HSD17B6: variants seen among roughly 807,000 people sequenced by gnomAD.
HSD17B6 encodes the protein hydroxysteroid 17-beta dehydrogenase 6, also known as 17-beta-hydroxysteroid dehydrogenase type 6.
Under a neutral mutation model 26.4 loss-of-function variants are expected in HSD17B6, and 16 were observed. The observed-to-expected ratio is 0.61, with a 90% CI of 0.41 to 0.92. The LOEUF (loss-of-function observed/expected upper bound fraction) is 0.92, where lower values mean the gene tolerates loss of function less well. HSD17B6 is among the 40% of genes least tolerant of loss of function. The pLI is 0.00. For missense variants in HSD17B6, 357 were observed against 386.1 expected, an observed-to-expected ratio of 0.92 and a Z score of 0.63; for synonymous variants, 139 against 153.0, an observed-to-expected ratio of 0.91 and a Z score of 0.68.
intron 1 of HSD17B6, among the ~76,000 whole-genome samples, chr12:56,766,001 C>T (rs955697434): frequency 2.0e-5 from 3 of 152,170 alleles, no homozygotes; most frequent in African/African-American, 7.2e-5. Flanking sequence ...AAAATAGCCT[C>T]AACTGATGAC....
intron 1 of HSD17B6, among the ~76,000 whole-genome samples, chr12:56,765,163 G>A (rs1954294596): frequency 1.3e-5 from 2 of 152,022 alleles, no homozygotes; most frequent in Admixed American, 1.3e-4. Context: ...TAGGCTGGGT[G>A]CGGTGGCTCA....
At chr12:56,764,390 T>C (rs1565913863) in intron 1 of HSD17B6, among the ~76,000 whole-genome samples, 1 of 152,160 alleles carries the variant, frequency 6.6e-6, no homozygotes, top group African/African-American at 2.4e-5. Context: ...AGAAGGAAGT[T>C]AAGGTGCACG....
At chr12:56,776,497 G>A (rs1370471833) in intron 2 of HSD17B6, among the ~76,000 whole-genome samples, 2 of 151,560 alleles carry the variant, frequency 1.3e-5, no homozygotes, top group Non-Finnish European at 2.9e-5. Context: ...TTTTAGAGAC[G>A]TCATCTCACC....
At chr12:56,783,517 T>A (rs71462342) in intron 3 of HSD17B6, among the ~76,000 whole-genome samples, 1 of 103,776 alleles carries the variant, frequency 9.6e-6, no homozygotes, top group South Asian at 3.7e-4. Flanking sequence ...CCCTCCCGGA[T>A]GGGGCGGCCG....
intron 4 of HSD17B6, chr12:56,785,879 G>T (rs1413617322): frequency 2.3e-6 from 2 of 879,920 alleles, no homozygotes; most frequent in Non-Finnish European, 2.7e-6. Context: ...GCCATTCCCT[G>T]AGGCTATATT....
intron 2 of HSD17B6, among the ~76,000 whole-genome samples, chr12:56,780,084 GT>G (rs985740708): frequency 3.4e-4 from 52 of 152,088 alleles, no homozygotes; most frequent in Admixed American, 3.1e-3. Flanking sequence ...TAGCCTAATT[GT>G]TTTTCCTTTG....
At chr12:56,776,465 G>A (rs895058754) in intron 2 of HSD17B6, among the ~76,000 whole-genome samples, 52 of 151,550 alleles carry the variant, frequency 3.4e-4, no homozygotes, top group Middle Eastern at 3.4e-3. Flanking sequence ...CACCATGCCT[G>A]GCTAATTAAA....
At chr12:56,786,023 T>TAGAC in intron 4 of HSD17B6, 1 of 872,314 alleles carries the variant, frequency 1.1e-6, no homozygotes, top group Non-Finnish European at 1.4e-6. Flanking sequence ...AGGTACAGGG[T>TAGAC]TTCTTTTTGG....
rs187597048 is a variant in HSD17B6 at position 56,787,552 on chromosome 12, T to A, written c.*210T>A. On this transcript the variant is annotated 3_prime_UTR_variant, in exon 5 of 5. Coordinates refer to ENST00000322165, the MANE Select transcript of HSD17B6 (RefSeq NM_003725.4). ...TGATGAATCTTTACTATTTTAGCCC[T>A]TTTTTGATGAGACTATTTGTCTAAA... 1.5e-4 allele frequency: 82 copies of A among 543,736 alleles called. No individual in the cohort carries two copies. In the East Asian group the frequency reaches 2.4e-3, roughly 16 times the overall value. 33.7% of individuals were successfully genotyped at this position (543,736 alleles called of 1,614,324 possible).
At chr12:56,767,924 TACAC>T (rs201324794) in intron 1 of HSD17B6, among the ~76,000 whole-genome samples, 2 of 150,434 alleles carry the variant, frequency 1.3e-5, no homozygotes, top group African/African-American at 2.4e-5. Context: ...GTATACAATA[TACAC>T]ACACACACAT....
In HSD17B6 at chr12:56,784,843, T is replaced by C. The variant is rs1412906022; in HGVS notation, c.573-10T>C. ...GGTCTTTAATCATAACTTGTGGGGT[T>C]TTATTTCAGGCGTGAGATTCAACAT... On this transcript the variant is annotated splice_polypyrimidine_tract_variant and intron_variant, in intron 3 of 4. Transcript: ENST00000322165. 1 of 1,611,352 alleles carries C rather than the reference T, an allele frequency of 6.2e-7. No individual in the cohort carries two copies. The highest frequency in any genetic ancestry group is 8.5e-7 in the Non-Finnish European group (1 of 1,179,350).
rs79608809 is a variant in HSD17B6, at chr12:56,780,090, C to T, written c.314-1884C>T. On this transcript the variant is annotated intron_variant, in intron 2 of 4. Coordinates refer to ENST00000322165, the MANE Select transcript of HSD17B6 (RefSeq NM_003725.4). ...GTCAGTTGTTAGCCTAATTGTTTTT[C>T]CTTTGAAAATAATCTGTCTTTCCTT... Among the ~76,000 whole-genome samples, 451 of 152,148 alleles carry T rather than the reference C, an allele frequency of 3.0e-3. 2 individuals carry two copies. The highest frequency in any genetic ancestry group is 0.011 in the African/African-American group (443 of 41,504).
At chr12:56,780,087 T>C (rs1450333785) in intron 2 of HSD17B6, among the ~76,000 whole-genome samples, 1 of 152,200 alleles carries the variant, frequency 6.6e-6, no homozygotes, top group Non-Finnish European at 1.5e-5. Flanking sequence ...CCTAATTGTT[T>C]TTCCTTTGAA....
In HSD17B6 at chr12:56,780,527, T is replaced by G. The variant is rs902716823; in HGVS notation, c.314-1447T>G. Among the ~76,000 whole-genome samples the G allele has an allele frequency of 8.5e-5, 13 of 152,274 alleles. No homozygotes were observed. In the East Asian group the frequency reaches 2.3e-3, roughly 27 times the overall value. ...TTTCAACATTCCACAAGTTACTTCCTCCTTCCTTTGTTCTCCTCTGCCTTT... is the reference window on the plus strand; with the variant it reads ...TTTCAACATTCCACAAGTTACTTCCGCCTTCCTTTGTTCTCCTCTGCCTTT... On this transcript the variant is annotated intron_variant, in intron 2 of 4. Transcript: ENST00000322165.
In HSD17B6 at chr12:56,787,408, C is replaced by T. The variant is rs1954903503; in HGVS notation, c.*66C>T. The T allele has an allele frequency of 2.8e-6, 3 of 1,059,036 alleles. No individual in the cohort carries two copies. The highest frequency in any genetic ancestry group is 1.4e-6 in the Non-Finnish European group (1 of 709,368). The allele number at this position is 1,059,036 out of a possible 1,614,324, so 65.6% of individuals were successfully genotyped here. A position where few individuals can be genotyped will look rare whatever the true frequency, so the allele number is the denominator to read the frequency against. ...CTGAAATTGTTAGTGTCTCAGTAAT[C>T]CTGATTTAGAACCCAGGCTTTTTGT... is the stretch of plus-strand genomic sequence containing the variant. On this transcript the variant is annotated 3_prime_UTR_variant, in exon 5 of 5. Transcript: ENST00000322165.
At chr12:56,772,764 A>T (rs891478749) in intron 1 of HSD17B6, among the ~76,000 whole-genome samples, 2 of 151,516 alleles carry the variant, frequency 1.3e-5, no homozygotes, top group Non-Finnish European at 2.9e-5. Flanking sequence ...ACTTCTTTCC[A>T]GTAGAAAGAA....
chr12:56,785,554 A>G (rs1414221409), intron 4 of HSD17B6, among the ~76,000 whole-genome samples: 1 of 152,236 alleles, frequency 6.6e-6, no homozygotes, highest in Non-Finnish European at 1.5e-5. Context: ...TCTGATGACT[A>G]TCATGGTTGA....
chr12:56,765,615 C>T (rs1783630197), intron 1 of HSD17B6, among the ~76,000 whole-genome samples: 1 of 151,428 alleles, frequency 6.6e-6, no homozygotes, highest in African/African-American at 2.4e-5. Flanking sequence ...CCCACCCCCT[C>T]CCCCCACCGT....
chr12:56,774,219 T>G, intron 2 of HSD17B6, 54 bp downstream of exon 2: 3 of 1,468,414 alleles, frequency 2.0e-6, no homozygotes, highest in Middle Eastern at 3.6e-4. Context: ...TAAGGTTATA[T>G]ATACAGTTGT....
Sources: gnomAD v4.1 joint callset for allele counts (sites outside exome capture counted in the v4.1 genomes callset) on GRCh38, gnomAD v4.1.1 for gene constraint, MANE v1.5 for transcripts, NCBI Gene and HGNC (gene_info 2026-07-23, HGNC 2026-07-21) for gene names.